The following HDAC6 variants were observed in gnomAD, a reference collection of about 807,000 sequenced individuals.
HDAC6 encodes histone deacetylase 6, also known as protein deacetylase HDAC6.
In HDAC6, 5 loss-of-function variants were observed where a neutral mutation model predicts 88.9. That is an observed-to-expected ratio of 0.06 (90% CI 0.03 to 0.12). The LOEUF (loss-of-function observed/expected upper bound fraction) is 0.12, where lower values mean the gene tolerates loss of function less well. HDAC6 is among the 10% of genes least tolerant of loss of function. HDAC6 has a pLI of 1.00. For missense variants in HDAC6, 706 were observed against 1,014.4 expected (o/e 0.70, Z 4.13); for synonymous variants, 378 against 398.0 (o/e 0.95, Z 0.60).
chrX:48,820,887 G>C (rs1704980245), intron 23 of HDAC6, among the ~76,000 whole-genome samples: 1 of 111,641 alleles, frequency 9.0e-6, no homozygotes, highest in South Asian at 3.7e-4. Context: ...ACCCAGGCTA[G>C]TCTGCAGTGG....
At chrX:48,805,786 C>A in intron 6 of HDAC6, 115 bp downstream of exon 6, 1 of 583,740 alleles carries the variant, frequency 1.7e-6, no homozygotes, top group Non-Finnish European at 2.8e-6. Flanking sequence ...TTGGGCAAGT[C>A]GCTGAGCCTT....
rs374906898 is a variant in HDAC6 at position 48,814,388 on chromosome X, C to G, written c.807-52C>G. On this transcript the variant is annotated intron_variant, in intron 10 of 28. Transcript: ENST00000334136. The stretch of plus-strand genomic sequence containing the variant: ...CTGGCAACTGTTGGGTTGGGGGTGT[C>G]TATGGGGATTGACTTCTCCAACTCT... The G allele has an allele frequency of 2.5e-6, 3 of 1,186,500 alleles. No homozygotes were observed. In the African/African-American group the frequency reaches 5.3e-5, roughly 21 times the overall value.
chrX:48,802,666 C>A lies in HDAC6; in HGVS notation c.-27C>A. ...ACGCTCCTCCCCCCACCCCCAGAAC[C>A]GCGGCAGGGGCCAAGCCTCCTCAAC... is the stretch of plus-strand genomic sequence containing the variant. On this transcript the variant is annotated 5_prime_UTR_variant, in exon 2 of 29. Transcript: ENST00000334136. 8.4e-7 allele frequency: 1 copy of A among 1,189,513 alleles called. No individual in the cohort carries two copies.
intron 22 of HDAC6, 190 bp from the exon 23 acceptor site, chrX:48,819,916 T>A (rs1557029131): frequency 7.8e-6 from 4 of 513,398 alleles, no homozygotes; most frequent in Non-Finnish European, 1.4e-5. Context: ...TGTATTTCTT[T>A]TCTTCCCTTC....
Position 48,805,526 on chromosome X carries a change from A to G in HDAC6, c.396+4A>G. 1.7e-6 allele frequency: 2 copies of G among 1,203,537 alleles called. No individual in the cohort carries two copies. The highest frequency in any genetic ancestry group is 3.6e-5 in the South Asian group (2 of 56,150). On this transcript the variant is annotated splice_donor_region_variant and intron_variant, in intron 5 of 28. Coordinates refer to ENST00000334136, the MANE Select transcript of HDAC6 (RefSeq NM_006044.4). ...AGATCGCTGCGTGTCCTTTCAGGTAAGGCCCCCAAGCCAACACTCTGGGTG... is the reference window on the plus strand; with the variant it reads ...AGATCGCTGCGTGTCCTTTCAGGTAGGGCCCCCAAGCCAACACTCTGGGTG...
intron 19 of HDAC6, 196 bp downstream of exon 19, chrX:48,816,829 C>T: frequency 2.3e-6 from 1 of 428,138 alleles, no homozygotes. Flanking sequence ...TGGCCAAGTG[C>T]AGTGGCTCAC....
At position 48,806,281 on chromosome X, in the gene HDAC6, G is replaced by A. The variant is rs931410024; in HGVS notation, c.438-87G>A. On this transcript the variant is annotated intron_variant, in intron 6 of 28. Coordinates refer to ENST00000334136, the MANE Select transcript of HDAC6 (RefSeq NM_006044.4). ...TCAGGTTGACAGTTGGGGGAGCCAA[G>A]CCCTAATTTGACCAGGGGGTTGGTG... The A allele has an allele frequency of 7.5e-5, 43 of 576,296 alleles. No homozygotes were observed. In the East Asian group the frequency reaches 1.4e-3, roughly 19 times the overall value. The allele number at this position is 576,296 out of a possible 1,213,427, so 47.5% of individuals were successfully genotyped here.
intron 22 of HDAC6, among the ~76,000 whole-genome samples, chrX:48,819,197 G>T: frequency 8.9e-6 from 1 of 112,404 alleles, no homozygotes; most frequent in Non-Finnish European, 1.9e-5. Flanking sequence ...GATGGCATGT[G>T]TATGTGACTG....
chrX:48,819,230 G>A (rs1557028826), intron 22 of HDAC6, among the ~76,000 whole-genome samples: 1 of 112,169 alleles, frequency 8.9e-6, no homozygotes, highest in Non-Finnish European at 1.9e-5. Context: ...GTGGGTTATT[G>A]TCCTCTTTGA....
intron 4 of HDAC6, chrX:48,803,538 A>G (rs2062762849): frequency 4.4e-6 from 1 of 228,043 alleles, no homozygotes; most frequent in Non-Finnish European, 7.9e-6. Flanking sequence ...ACTTAAGACC[A>G]GGGGATTCAA....
chrX:48,824,857 G>T lies in HDAC6; in HGVS notation c.*245G>T. Reference sequence around the variant, plus strand: ...CCACTACTCCAGCCCAGAAGGAAAGGGGGGCAGCTCAGTGGCCCCAAGAGG... The same window carrying T: ...CCACTACTCCAGCCCAGAAGGAAAGTGGGGCAGCTCAGTGGCCCCAAGAGG... On this transcript the variant is annotated 3_prime_UTR_variant, in exon 29 of 29. Coordinates refer to ENST00000334136, the MANE Select transcript of HDAC6 (RefSeq NM_006044.4). 1 of 1,122,504 alleles carries T rather than the reference G, an allele frequency of 8.9e-7. No individual in the cohort carries two copies. The highest frequency in any genetic ancestry group is 1.2e-6 in the Non-Finnish European group (1 of 853,839). 92.5% of individuals were successfully genotyped at this position (1,122,504 alleles called of 1,213,427 possible).
chrX:48,810,070 C>CT (rs782495768), intron 10 of HDAC6, among the ~76,000 whole-genome samples: 312 of 95,153 alleles, frequency 3.3e-3, no homozygotes, highest in African/African-American at 9.4e-3. Context: ...TCTTGGTGTT[C>CT]TTTTTTTTTT....
intron 10 of HDAC6, chrX:48,810,623 T>A (rs1366494164): frequency 9.2e-6 from 1 of 109,172 alleles, no homozygotes; most frequent in Non-Finnish European, 1.9e-5. Flanking sequence ...TATTTATTTT[T>A]TTTGAGACAA....
At chrX:48,806,815 A>G in intron 8 of HDAC6, 109 bp downstream of exon 8, 1 of 456,476 alleles carries the variant, frequency 2.2e-6, no homozygotes, top group Non-Finnish European at 3.5e-6. Context: ...ATCCAAAGGT[A>G]AAAAAGAGAA....
At chrX:48,821,695 C>T (rs1301354517) in intron 23 of HDAC6, among the ~76,000 whole-genome samples, 5 of 104,821 alleles carry the variant, frequency 4.8e-5, no homozygotes, top group South Asian at 4.3e-4. Context: ...TTAGTAGAGA[C>T]GGGGGTTTCA....
chrX:48,803,191 G>A lies in HDAC6; in HGVS notation c.286G>A (p.Glu96Lys). The A allele has an allele frequency of 8.3e-7, 1 of 1,208,390 alleles. No individual in the cohort carries two copies. ...TGLVLDEQLN[E>K]FHCLWDDSFP... is the part of the protein sequence containing the mutation. ...CTTGGTGTTGGATGAGCAGTTAAAT[G>A]AATTCCATTGCCTCTGGGATGACAG... The change falls in exon 4 of 29, where the codon GAA becomes AAA. Residue 96 changes from glutamate to lysine, a missense_variant. Around this residue, in one of 9 missense-constraint regions of HDAC6, gnomAD observed 193 missense variants for 258.2 expected, o/e 0.75. Coordinates refer to ENST00000334136, the MANE Select transcript of HDAC6 (RefSeq NM_006044.4).
At chrX:48,819,301 C>T (rs2063041158) in intron 22 of HDAC6, 1 of 117,090 alleles carries the variant, frequency 8.5e-6, no homozygotes, top group Non-Finnish European at 1.8e-5. Flanking sequence ...ATGGTACTGT[C>T]TGTGTGGCAG....
At chrX:48,819,409 A>G in intron 22 of HDAC6, 1 of 125,247 alleles carries the variant, frequency 8.0e-6, no homozygotes, top group South Asian at 2.5e-4. Flanking sequence ...GGCACTATGT[A>G]TATAAAACCC....
At chrX:48,801,959 T>C (rs782173182), upstream of HDAC6, 10 of 966,387 alleles carry the variant, frequency 1.0e-5, no homozygotes, top group Middle Eastern at 3.0e-4. Context: ...GTACAGCGCG[T>C]CGACGGCGGA....
Sources: gnomAD v4.1 joint callset for allele counts (sites outside exome capture counted in the v4.1 genomes callset) on GRCh38, gnomAD v4.1.1 for gene constraint, gnomAD v4.1.1 regional missense constraint, MANE v1.5 for transcripts, NCBI Gene and HGNC (gene_info 2026-07-23, HGNC 2026-07-21) for gene names.